The following MECOM variants were observed in gnomAD, a reference collection of about 807,000 sequenced individuals.
MECOM encodes histone-lysine N-methyltransferase MECOM.
Under a neutral mutation model 116.3 loss-of-function variants are expected in MECOM, and 13 were observed. The ratio of observed to expected loss-of-function variants is 0.11; its 90% CI spans 0.07 to 0.18. MECOM has a LOEUF of 0.18. Ranked by LOEUF, MECOM falls within the 10% of genes least tolerant of loss-of-function variation. MECOM has a pLI of 1.00. For synonymous variants in MECOM, 528 were observed against 535.2 expected, an observed-to-expected ratio of 0.99 and a Z score of 0.19; for missense variants, 1,299 against 1,509.0, an observed-to-expected ratio of 0.86 and a Z score of 2.31.
At chr3:169,651,096 G>A (rs980786586) in intron 1 of MECOM, among the ~76,000 whole-genome samples, 2 of 152,148 alleles carry the variant, frequency 1.3e-5, no homozygotes, top group Admixed American at 6.6e-5. Context: ...GTTTGCAGAC[G>A]GAATGCTTTC....
At chr3:169,179,787 G>C (rs1037520432) in intron 2 of MECOM, among the ~76,000 whole-genome samples, 4 of 152,066 alleles carry the variant, frequency 2.6e-5, no homozygotes, top group Admixed American at 2.6e-4. Context: ...AATTCAGCTC[G>C]TTAAAAGGAC....
chr3:169,555,464 T>A (rs888863706), intron 1 of MECOM, among the ~76,000 whole-genome samples: 1 of 152,138 alleles, frequency 6.6e-6, no homozygotes, highest in Non-Finnish European at 1.5e-5. Context: ...GACCCCCAAA[T>A]AAGTATCTAT....
chr3:169,103,471 G>C (rs1190305218), intron 10 of MECOM, among the ~76,000 whole-genome samples: 1 of 152,122 alleles, frequency 6.6e-6, no homozygotes, highest in Non-Finnish European at 1.5e-5. Context: ...TGTGCCATTA[G>C]AAAGCTCAAG....
intron 1 of MECOM, among the ~76,000 whole-genome samples, chr3:169,624,796 G>C (rs1771159873): frequency 6.6e-6 from 1 of 152,166 alleles, no homozygotes; most frequent in South Asian, 2.1e-4. Flanking sequence ...CAGACACACT[G>C]TCTGGTGTGC....
At position 169,594,176 on chromosome 3, in the gene MECOM, A is replaced by AAAAAAAAAAAAC. The variant is rs1553894631; in HGVS notation, c.37+69159_37+69160insGTTTTTTTTTTT. 8.8e-4 allele frequency among the ~76,000 whole-genome samples: 123 copies of AAAAAAAAAAAAC among 139,690 alleles called. 1 individual carries two copies. The highest frequency in any genetic ancestry group is 2.1e-3 in the East Asian group (10 of 4,744). 91.6% of individuals were successfully genotyped at this position (139,690 alleles called of 152,430 possible). A position where few individuals can be genotyped will look rare whatever the true frequency, so the allele number is the denominator to read the frequency against. ...CCACAAAAAAAAAAAAAAAAAAAAAACACCTTTTCACCTAAGTACCTCAAG... is the reference window on the plus strand; with the variant it reads ...CCACAAAAAAAAAAAAAAAAAAAAAAAAAAAAAAAAACCACCTTTTCACCTAAGTACCTCAAG... On this transcript the variant is annotated intron_variant, in intron 1 of 16. Coordinates refer to ENST00000651503, the MANE Select transcript of MECOM (RefSeq NM_004991.4).
chr3:169,534,698 G>A (rs536126370), intron 1 of MECOM, among the ~76,000 whole-genome samples: 9 of 152,132 alleles, frequency 5.9e-5, no homozygotes, highest in African/African-American at 9.7e-5. Context: ...CACTGTCTTA[G>A]GTCCTCTACC....
intron 2 of MECOM, among the ~76,000 whole-genome samples, chr3:169,240,029 A>G (rs938396195): frequency 1.3e-5 from 2 of 152,242 alleles, no homozygotes; most frequent in African/African-American, 4.8e-5. Context: ...AGTAGAAAGA[A>G]CATGACTGGT....
At position 169,538,331 on chromosome 3, in the gene MECOM, G is replaced by T. The variant is rs1442228739; in HGVS notation, c.37+125005C>A. Among the ~76,000 whole-genome samples the T allele has an allele frequency of 2.0e-5, 3 of 151,826 alleles. No individual in the cohort carries two copies. In the East Asian group the frequency reaches 5.8e-4, roughly 29 times the overall value. ...TGGGCCCAAGGTATACTTTTTTTGTGACAACCCAAAATTCTCTCCACACTA... is the reference window on the plus strand; with the variant it reads ...TGGGCCCAAGGTATACTTTTTTTGTTACAACCCAAAATTCTCTCCACACTA... On this transcript the variant is annotated intron_variant, in intron 1 of 16. Coordinates refer to ENST00000651503, the MANE Select transcript of MECOM (RefSeq NM_004991.4).
chr3:169,216,990 ACAAATAAACAGGTATGATAC>A (rs2149488041), intron 2 of MECOM, among the ~76,000 whole-genome samples: 1 of 152,322 alleles, frequency 6.6e-6, no homozygotes, highest in Admixed American at 6.5e-5. Context: ...TACTAGCCAC[ACAAATAAACAGGTATGATAC>A]CATAGAGAAC....
At chr3:169,329,016 T>C (rs1410679740) in intron 2 of MECOM, among the ~76,000 whole-genome samples, 5 of 152,188 alleles carry the variant, frequency 3.3e-5, no homozygotes, top group Non-Finnish European at 7.3e-5. Flanking sequence ...TTACCTAGTA[T>C]CCTGAGTTTT....
At chr3:169,311,509 T>C (rs1018888552) in intron 2 of MECOM, among the ~76,000 whole-genome samples, 5 of 152,328 alleles carry the variant, frequency 3.3e-5, no homozygotes, top group African/African-American at 1.2e-4. Context: ...TGCTTTATAG[T>C]GCAAGAAATG....
At chr3:169,566,577 A>T (rs1763271363) in intron 1 of MECOM, among the ~76,000 whole-genome samples, 1 of 152,208 alleles carries the variant, frequency 6.6e-6, no homozygotes, top group Non-Finnish European at 1.5e-5. Context: ...CCAACTTTGC[A>T]GATGAGAATA....
chr3:169,662,228 G>A (rs761762890), intron 1 of MECOM, among the ~76,000 whole-genome samples: 32 of 152,332 alleles, frequency 2.1e-4, no homozygotes, highest in African/African-American at 6.0e-4. Flanking sequence ...AGGCCGCTCC[G>A]CGCCGGGCAG....
intron 2 of MECOM, among the ~76,000 whole-genome samples, chr3:169,290,788 G>A (rs986186424): frequency 1.3e-5 from 2 of 152,088 alleles, no homozygotes; most frequent in Non-Finnish European, 2.9e-5. Flanking sequence ...ATCATTTCTC[G>A]AGTTGGGTTG....
chr3:169,544,685 C>T (rs1315114003), intron 1 of MECOM, among the ~76,000 whole-genome samples: 2 of 152,128 alleles, frequency 1.3e-5, no homozygotes. Flanking sequence ...GAATACTATG[C>T]AACCGTAAAA....
chr3:169,578,191 A>C (rs1309385645), intron 1 of MECOM, among the ~76,000 whole-genome samples: 1 of 152,164 alleles, frequency 6.6e-6, no homozygotes, highest in African/African-American at 2.4e-5. Flanking sequence ...AAGATGTGTG[A>C]TATGGACTTG....
intron 1 of MECOM, among the ~76,000 whole-genome samples, chr3:169,631,555 C>T (rs1489967367): frequency 6.6e-6 from 1 of 151,294 alleles, no homozygotes; most frequent in Non-Finnish European, 1.5e-5. Context: ...TGGTGTGCTG[C>T]ACCCATTAAC....
chr3:169,174,067 C>T (rs1244201895), intron 2 of MECOM, among the ~76,000 whole-genome samples: 5 of 152,186 alleles, frequency 3.3e-5, no homozygotes, highest in African/African-American at 1.2e-4. Context: ...GCCAGGCTAA[C>T]TCATGCTTAT....
At chr3:169,424,538 C>T (rs1740318253) in intron 1 of MECOM, among the ~76,000 whole-genome samples, 2 of 152,118 alleles carry the variant, frequency 1.3e-5, no homozygotes, top group Admixed American at 1.3e-4. Flanking sequence ...CCATCTTGAC[C>T]ATCATGTGAA....
Sources: allele counts gnomAD v4.1 joint callset (sites outside exome capture counted in the v4.1 genomes callset), GRCh38; gene constraint gnomAD v4.1.1; transcripts MANE v1.5; gene names NCBI Gene and HGNC (gene_info 2026-07-23, HGNC 2026-07-21).